The following EYS variants were observed in gnomAD, a reference collection of about 807,000 sequenced individuals.
EYS encodes the protein protein eyes shut homolog.
A neutral mutation model predicts 282.1 loss-of-function variants in EYS; 250 were observed. The observed-to-expected ratio is 0.89, with a 90% CI of 0.80 to 0.98. EYS has a LOEUF of 0.98. Among genes scored for constraint, EYS ranks in the 50% least tolerant of loss-of-function variants. EYS has a pLI of 0.00. For synonymous variants in EYS, 1,355 were observed against 1,282.9 expected, an observed-to-expected ratio of 1.06 and a Z score of -1.20; for missense variants, 4,016 against 3,709.0, an observed-to-expected ratio of 1.08 and a Z score of -2.15.
At chr6:64,674,919 C>A (rs1271701138) in intron 22 of EYS, among the ~76,000 whole-genome samples, 1 of 152,058 alleles carries the variant, frequency 6.6e-6, no homozygotes, top group East Asian at 1.9e-4. Context: ...TCCATATGCT[C>A]TACCATTAGG....
chr6:64,848,060 C>T (rs1486018791), intron 19 of EYS, among the ~76,000 whole-genome samples: 1 of 152,010 alleles, frequency 6.6e-6, no homozygotes, highest in Non-Finnish European at 1.5e-5. Flanking sequence ...ATAGCTACCA[C>T]ATTGGGTCGA....
chr6:65,211,184 G>A (rs1193134124), intron 12 of EYS, among the ~76,000 whole-genome samples: 20 of 151,962 alleles, frequency 1.3e-4, no homozygotes, highest in Admixed American at 1.3e-3. Context: ...GGAGTTACAG[G>A]AACCTTGAAG....
intron 31 of EYS, among the ~76,000 whole-genome samples, chr6:64,109,811 T>G (rs1773148352): frequency 6.6e-6 from 1 of 152,090 alleles, no homozygotes; most frequent in African/African-American, 2.4e-5. Flanking sequence ...TCAATAAAAC[T>G]CTTTGATTTT....
intron 13 of EYS, among the ~76,000 whole-genome samples, chr6:65,012,810 CAAAA>C (rs3033918): frequency 2.5e-5 from 3 of 117,670 alleles, no homozygotes; most frequent in Non-Finnish European, 1.8e-5. Context: ...CCAAGTACAG[CAAAA>C]AAAAAAAAAA....
intron 13 of EYS, among the ~76,000 whole-genome samples, chr6:65,002,205 T>C (rs1211060422): frequency 1.4e-5 from 2 of 147,588 alleles, no homozygotes; most frequent in Non-Finnish European, 3.0e-5. Context: ...TGAATCTTTT[T>C]TAAGTATCAT....
rs199612356 is a variant in EYS at position 65,475,752 on chromosome 6, G to GACACACACACAC, written c.862+14841_862+14842insGTGTGTGTGTGT. Among the ~76,000 whole-genome samples, 7 of 144,790 alleles carry GACACACACACAC rather than the reference G, an allele frequency of 4.8e-5. No homozygotes were observed. The East Asian group carries it at 8.0e-4, about 17-fold the overall frequency. The allele number at this position is 144,790 out of a possible 152,430, so 95.0% of individuals were successfully genotyped here. ...GTACCCCCTGACAGACAGACAGACAGACAGACACACACACACACACACACA... is the reference window on the plus strand; with the variant it reads ...GTACCCCCTGACAGACAGACAGACAGACACACACACACACAGACACACACACACACACACACA... On this transcript the variant is annotated intron_variant, in intron 5 of 42. Coordinates refer to ENST00000503581, the MANE Select transcript of EYS (RefSeq NM_001142800.2).
chr6:63,929,380 G>C (rs965505860), intron 35 of EYS, among the ~76,000 whole-genome samples: 3 of 152,138 alleles, frequency 2.0e-5, no homozygotes, highest in Admixed American at 2.0e-4. Flanking sequence ...TATATCCACA[G>C]GAGAAGAAGC....
intron 19 of EYS, among the ~76,000 whole-genome samples, chr6:64,872,582 G>A (rs1288287207): frequency 2.6e-5 from 4 of 151,962 alleles, no homozygotes; most frequent in African/African-American, 9.7e-5. Flanking sequence ...TGCTTCCAGG[G>A]AGTGGTAGTT....
At chr6:64,021,360 T>C (rs1181378582) in intron 33 of EYS, among the ~76,000 whole-genome samples, 2 of 151,608 alleles carry the variant, frequency 1.3e-5, no homozygotes, top group African/African-American at 4.8e-5. Flanking sequence ...TGACAATGCC[T>C]AGATACATGT....
chr6:64,192,388 A>G (rs533505878), intron 31 of EYS, among the ~76,000 whole-genome samples: 1 of 152,228 alleles, frequency 6.6e-6, no homozygotes, highest in Admixed American at 6.6e-5. Flanking sequence ...GGTGTTTTAG[A>G]CATGAAGTCC....
rs935204398 is a variant in EYS, at chr6:65,314,303, T to C, written c.1767-18184A>G. On this transcript the variant is annotated intron_variant, in intron 11 of 42. Coordinates refer to ENST00000503581, the MANE Select transcript of EYS (RefSeq NM_001142800.2). ...ATTCATTACTTCTAAGATAGGTTTT[T>C]AAAAATTTTTTATTCTGTCTCTTCC... Among the ~76,000 whole-genome samples the C allele has an allele frequency of 8.3e-4, 123 of 147,356 alleles. 1 individual carries two copies. The highest frequency in any genetic ancestry group is 2.9e-3 in the African/African-American group (117 of 39,722).
chr6:64,524,241 A>C (rs1016948374), intron 26 of EYS, among the ~76,000 whole-genome samples: 2 of 151,772 alleles, frequency 1.3e-5, no homozygotes, highest in Admixed American at 1.3e-4. Context: ...TAATTTTTAC[A>C]TATAAAATGT....
At chr6:64,856,116 G>A (rs1766050762) in intron 19 of EYS, among the ~76,000 whole-genome samples, 1 of 151,906 alleles carries the variant, frequency 6.6e-6, no homozygotes, top group African/African-American at 2.4e-5. Flanking sequence ...AACTCATTTG[G>A]GTAAATACTA....
At chr6:65,123,575 T>C (rs1048287578) in intron 12 of EYS, among the ~76,000 whole-genome samples, 1 of 152,078 alleles carries the variant, frequency 6.6e-6, no homozygotes, top group African/African-American at 2.4e-5. Context: ...ATGAAATAAT[T>C]GCAATTGAGG....
chr6:64,443,926 T>C (rs1775036106), intron 26 of EYS, among the ~76,000 whole-genome samples: 1 of 152,212 alleles, frequency 6.6e-6, no homozygotes, highest in African/African-American at 2.4e-5. Context: ...TTCTGGGGGA[T>C]GCTCAAGACA....
chr6:65,009,326 G>A (rs977197291), intron 13 of EYS, among the ~76,000 whole-genome samples: 5 of 152,242 alleles, frequency 3.3e-5, no homozygotes, highest in African/African-American at 1.2e-4. Context: ...AATTTTAGGA[G>A]TAAAGAAACC....
chr6:64,404,301 C>A (rs998290131), intron 28 of EYS, among the ~76,000 whole-genome samples: 8 of 152,042 alleles, frequency 5.3e-5, no homozygotes, highest in Admixed American at 2.0e-4. Flanking sequence ...GCTGTTGATT[C>A]ATCTGAATTT....
chr6:63,778,810 C>A (rs758904363), intron 39 of EYS, among the ~76,000 whole-genome samples: 5 of 152,114 alleles, frequency 3.3e-5, no homozygotes, highest in Non-Finnish European at 7.4e-5. Context: ...ATACCCCTTT[C>A]TTCACAGGCA....
intron 35 of EYS, among the ~76,000 whole-genome samples, chr6:63,880,332 C>A (rs543158241): frequency 5.3e-5 from 8 of 152,196 alleles, no homozygotes. Flanking sequence ...CCTCAAACAT[C>A]GGACTCCAAG....
Sources: allele counts gnomAD v4.1 joint callset (sites outside exome capture counted in the v4.1 genomes callset), GRCh38; gene constraint gnomAD v4.1.1; transcripts MANE v1.5; gene names NCBI Gene and HGNC (gene_info 2026-07-23, HGNC 2026-07-21).